The following ANO10 variants were observed in gnomAD, a reference collection of about 807,000 sequenced individuals.
ANO10 encodes the protein anoctamin 10.
A neutral mutation model predicts 74.7 loss-of-function variants in ANO10; 77 were observed. The observed-to-expected ratio is 1.03, with a 90% CI of 0.86 to 1.25. The LOEUF is 1.25. Ranked by LOEUF, ANO10 falls within the 50% of genes most tolerant of loss-of-function variation. The probability of loss-of-function intolerance (pLI) is 0.00; values close to 1 mark genes in which losing one functional copy is unlikely to be tolerated. For synonymous variants in ANO10, 279 were observed against 284.9 expected (o/e 0.98, Z 0.21); for missense variants, 721 against 778.1 (o/e 0.93, Z 0.87).
chr3:43,379,432 CAG>C (rs1300825992), intron 12 of ANO10, among the ~76,000 whole-genome samples: 2 of 152,140 alleles, frequency 1.3e-5, no homozygotes, highest in Non-Finnish European at 2.9e-5. Flanking sequence ...CTCAGGCAAA[CAG>C]AGCAGTGTGT....
intron 11 of ANO10, among the ~76,000 whole-genome samples, chr3:43,506,327 C>G (rs1161868906): frequency 6.6e-6 from 1 of 152,134 alleles, no homozygotes; most frequent in Non-Finnish European, 1.5e-5. Flanking sequence ...ACAACCCAAC[C>G]ACTTTGGCTA....
intron 11 of ANO10, among the ~76,000 whole-genome samples, chr3:43,465,097 G>C (rs1264080755): frequency 6.6e-6 from 1 of 152,152 alleles, no homozygotes; most frequent in African/African-American, 2.4e-5. Flanking sequence ...CATGTACAGA[G>C]TAAATCCTAA....
intron 11 of ANO10, among the ~76,000 whole-genome samples, chr3:43,510,397 C>A (rs2149179200): frequency 6.8e-6 from 1 of 147,528 alleles, no homozygotes; most frequent in Non-Finnish European, 1.5e-5. Flanking sequence ...TGCCATTGCA[C>A]TCCAGCCTAG....
chr3:43,483,432 G>GTTCA (rs2076346445), intron 11 of ANO10, among the ~76,000 whole-genome samples: 1 of 152,164 alleles, frequency 6.6e-6, no homozygotes, highest in Admixed American at 6.5e-5. Context: ...AAAAGTAACA[G>GTTCA]TTCATGTCCA....
intron 7 of ANO10, among the ~76,000 whole-genome samples, chr3:43,568,849 A>G (rs2080525374): frequency 6.7e-6 from 1 of 149,266 alleles, no homozygotes; most frequent in Non-Finnish European, 1.5e-5. Flanking sequence ...GCAGAACTGA[A>G]GGAGATAGAG....
intron 1 of ANO10, among the ~76,000 whole-genome samples, chr3:43,666,753 G>A (rs1238006535): frequency 2.0e-5 from 3 of 152,104 alleles, no homozygotes; most frequent in Admixed American, 6.6e-5. Context: ...ATCTGTTAAG[G>A]GCTTGCTCCC....
At chr3:43,606,386 T>C (rs527644816) in intron 1 of ANO10, among the ~76,000 whole-genome samples, 7 of 152,268 alleles carry the variant, frequency 4.6e-5, no homozygotes, top group African/African-American at 1.7e-4. Context: ...GGTATCCAAC[T>C]AGGGTCCCAG....
chr3:43,500,407 C>A (rs2077057381), intron 11 of ANO10, among the ~76,000 whole-genome samples: 1 of 152,122 alleles, frequency 6.6e-6, no homozygotes, highest in Non-Finnish European at 1.5e-5. Flanking sequence ...GTTTATAGCC[C>A]CACCCAGAAT....
At chr3:43,562,455 C>CAAA (rs1169816392) in intron 8 of ANO10, among the ~76,000 whole-genome samples, 27 of 69,948 alleles carry the variant, frequency 3.9e-4, no homozygotes, top group East Asian at 1.0e-3. Context: ...CTGTCTCAAA[C>CAAA]AAAAAAAAAA....
intron 7 of ANO10, among the ~76,000 whole-genome samples, chr3:43,566,564 C>A (rs1164551461): frequency 2.6e-5 from 4 of 152,220 alleles, no homozygotes; most frequent in Non-Finnish European, 5.9e-5. Context: ...AGGCACCCCC[C>A]AGCAGGGGTA....
At chr3:43,562,842 C>G (rs961020919) in intron 8 of ANO10, among the ~76,000 whole-genome samples, 3 of 151,978 alleles carry the variant, frequency 2.0e-5, no homozygotes, top group African/African-American at 7.3e-5. Flanking sequence ...ACATAAGACC[C>G]AAAACTATAA....
intron 1 of ANO10, among the ~76,000 whole-genome samples, chr3:43,656,940 G>A (rs1383391448): frequency 6.6e-6 from 1 of 152,264 alleles, no homozygotes; most frequent in Admixed American, 6.5e-5. Context: ...CAGAGGAGGC[G>A]CTGAGAGCGA....
intron 11 of ANO10, among the ~76,000 whole-genome samples, chr3:43,549,191 C>T (rs1355452598): frequency 6.6e-6 from 1 of 151,868 alleles, no homozygotes; most frequent in African/African-American, 2.4e-5. Context: ...TAACCTTGAA[C>T]TCTAGGGCTC....
chr3:43,578,536 G>T (rs1461100175), intron 5 of ANO10, among the ~76,000 whole-genome samples: 1 of 152,096 alleles, frequency 6.6e-6, no homozygotes, highest in East Asian at 1.9e-4. Context: ...AATCACCTGA[G>T]GTCAGGAGTT....
chr3:43,381,865 T>C (rs927947068), intron 12 of ANO10, among the ~76,000 whole-genome samples: 1 of 152,138 alleles, frequency 6.6e-6, no homozygotes, highest in Non-Finnish European at 1.5e-5. Context: ...TTATGGCAAG[T>C]ACTCTCTCAG....
chr3:43,485,263 C>T, intron 11 of ANO10: 3 of 619,614 alleles, frequency 4.8e-6, no homozygotes, highest in Non-Finnish European at 8.7e-6. Context: ...GGACTAGCTG[C>T]TGTTTGCCGC....
intron 10 of ANO10, among the ~76,000 whole-genome samples, chr3:43,554,865 T>C (rs2079660608): frequency 6.6e-6 from 1 of 152,114 alleles, no homozygotes; most frequent in Non-Finnish European, 1.5e-5. Context: ...ACCCCAGGAC[T>C]AGAAAACTAG....
intron 1 of ANO10, among the ~76,000 whole-genome samples, chr3:43,620,054 T>A (rs1026351681): frequency 6.6e-6 from 1 of 152,066 alleles, no homozygotes; most frequent in Non-Finnish European, 1.5e-5. Flanking sequence ...TAGAGACAAT[T>A]TAACTGACAG....
intron 11 of ANO10, among the ~76,000 whole-genome samples, chr3:43,434,843 T>C (rs9844641): frequency 0.049 from 7,466 of 152,292 alleles, 258 homozygotes; most frequent in South Asian, 0.13. Context: ...TTGAAAAAAG[T>C]TGGTATTGAT....
Sources: allele counts gnomAD v4.1 joint callset (sites outside exome capture counted in the v4.1 genomes callset), GRCh38; gene constraint gnomAD v4.1.1; transcripts MANE v1.5; gene names NCBI Gene and HGNC (gene_info 2026-07-23, HGNC 2026-07-21).